The following FBXW11 variants were observed in gnomAD, a reference collection of about 807,000 sequenced individuals.
FBXW11 encodes the protein F-box and WD repeat domain containing 11, also known as F-box/WD repeat-containing protein 11.
In FBXW11, 19 loss-of-function variants were observed where a neutral mutation model predicts 77.6. That is an observed-to-expected ratio of 0.24 (90% CI 0.17 to 0.36). The LOEUF is 0.36. FBXW11 is among the 10% of genes least tolerant of loss of function. The pLI, the probability that FBXW11 is intolerant of heterozygous loss-of-function variation, is 1.00. For missense variants in FBXW11, 334 were observed against 704.2 expected, an observed-to-expected ratio of 0.47 and a Z score of 5.95; for synonymous variants, 235 against 249.4, an observed-to-expected ratio of 0.94 and a Z score of 0.54.
intron 2 of FBXW11, among the ~76,000 whole-genome samples, chr5:171,929,611 G>A (rs895311744): frequency 1.3e-5 from 2 of 152,072 alleles, no homozygotes; most frequent in African/African-American, 4.8e-5. Flanking sequence ...TAGCACTTTG[G>A]GAGGCCGAGG....
chr5:172,001,424 C>G (rs995955096), intron 1 of FBXW11, among the ~76,000 whole-genome samples: 3 of 152,134 alleles, frequency 2.0e-5, no homozygotes, highest in Non-Finnish European at 4.4e-5. Context: ...GCAATAATGT[C>G]TGAAAATGAT....
chr5:171,983,557 G>A (rs1765269448), intron 1 of FBXW11, among the ~76,000 whole-genome samples: 1 of 152,096 alleles, frequency 6.6e-6, no homozygotes, highest in African/African-American at 2.4e-5. Context: ...TCTCTAGGTA[G>A]ATTGTGTCGG....
At chr5:172,001,866 T>C (rs1312908087) in intron 1 of FBXW11, among the ~76,000 whole-genome samples, 2 of 152,210 alleles carry the variant, frequency 1.3e-5, no homozygotes, top group African/African-American at 4.8e-5. Flanking sequence ...TAAATATCAG[T>C]AGCCTTCAAT....
chr5:171,931,798 TTCTCTC>T (rs888011475), intron 2 of FBXW11, among the ~76,000 whole-genome samples: 1 of 104,068 alleles, frequency 9.6e-6, no homozygotes, highest in Admixed American at 9.7e-5. Context: ...CAGAAACAAT[TTCTCTC>T]TCTCTCTCTC....
At chr5:171,968,921 C>T (rs903095747) in intron 1 of FBXW11, among the ~76,000 whole-genome samples, 5 of 152,130 alleles carry the variant, frequency 3.3e-5, no homozygotes, top group Non-Finnish European at 7.4e-5. Context: ...AAATCCTTAC[C>T]CTACTTTCAT....
chr5:171,945,124 C>T (rs1007135199), intron 2 of FBXW11, among the ~76,000 whole-genome samples: 23 of 152,166 alleles, frequency 1.5e-4, no homozygotes, highest in African/African-American at 4.6e-4. Context: ...TAATTTCATA[C>T]AGTGCTAAGC....
intron 2 of FBXW11, among the ~76,000 whole-genome samples, chr5:171,943,539 A>G (rs948543588): frequency 2.6e-5 from 4 of 152,054 alleles, no homozygotes; most frequent in Non-Finnish European, 4.4e-5. Context: ...GCTCACTGCA[A>G]TCTCCACCTC....
chr5:171,938,504 C>T (rs1762589072), intron 2 of FBXW11, among the ~76,000 whole-genome samples: 1 of 152,204 alleles, frequency 6.6e-6, no homozygotes, highest in South Asian at 2.1e-4. Context: ...ATAACACATT[C>T]AGTCAATGAA....
intron 1 of FBXW11, among the ~76,000 whole-genome samples, chr5:172,005,779 G>A (rs563567842): frequency 2.0e-5 from 3 of 152,306 alleles, no homozygotes; most frequent in East Asian, 3.9e-4. Context: ...CCTGGAGGAT[G>A]GAATCCAGAG....
chr5:171,953,931 C>G (rs1275866855), intron 2 of FBXW11, among the ~76,000 whole-genome samples: 1 of 152,132 alleles, frequency 6.6e-6, no homozygotes, highest in East Asian at 1.9e-4. Context: ...AAAAAAGAAA[C>G]AAGAAAGGCA....
At chr5:171,882,650 T>C (rs1758595658) in intron 7 of FBXW11, among the ~76,000 whole-genome samples, 1 of 152,144 alleles carries the variant, frequency 6.6e-6, no homozygotes, top group Non-Finnish European at 1.5e-5. Flanking sequence ...CTTTGATCCA[T>C]GTGCTATTTA....
intron 1 of FBXW11, among the ~76,000 whole-genome samples, chr5:171,989,962 G>C (rs950830361): frequency 6.6e-6 from 1 of 152,184 alleles, no homozygotes; most frequent in African/African-American, 2.4e-5. Flanking sequence ...AATGGTTTGA[G>C]ACAAAGAGAG....
intron 7 of FBXW11, among the ~76,000 whole-genome samples, chr5:171,887,028 G>GA (rs1048076433): frequency 5.3e-4 from 79 of 149,954 alleles, no homozygotes; most frequent in African/African-American, 1.7e-3. Flanking sequence ...CAAAAAGTAA[G>GA]AAAAAAAAAA....
chr5:171,962,969 C>T (rs920563653), intron 1 of FBXW11, among the ~76,000 whole-genome samples: 5 of 152,140 alleles, frequency 3.3e-5, no homozygotes, highest in East Asian at 1.9e-4. Flanking sequence ...CCCCCCACCA[C>T]CAATCTTTTT....
At chr5:171,952,670 C>G (rs1267225181) in intron 2 of FBXW11, among the ~76,000 whole-genome samples, 1 of 150,086 alleles carries the variant, frequency 6.7e-6, no homozygotes, top group Non-Finnish European at 1.5e-5. Flanking sequence ...CCAGGCTGGT[C>G]TTGACCTGAC....
chr5:171,977,844 G>A (rs1456509051), intron 1 of FBXW11: 3 of 242,278 alleles, frequency 1.2e-5, no homozygotes, highest in East Asian at 1.5e-4. Flanking sequence ...CACCTCCCAC[G>A]GGGTCCCTCC....
At position 171,893,374 on chromosome 5, in the gene FBXW11, C is replaced by G. The variant is rs978105396; in HGVS notation, c.715-1770G>C. Among the ~76,000 whole-genome samples, 10 of 115,300 alleles carry G rather than the reference C, an allele frequency of 8.7e-5. No individual in the cohort carries two copies. In the East Asian group the frequency reaches 2.2e-3, roughly 25 times the overall value. The allele number at this position is 115,300 out of a possible 152,430, so 75.6% of individuals were successfully genotyped here. On this transcript the variant is annotated intron_variant, in intron 6 of 13. Coordinates refer to ENST00000517395, the MANE Select transcript of FBXW11 (RefSeq NM_001378974.1). ...AACTTCCTAGCCTGGGTCATCATCT[C>G]TAGTGACTTGGTAAAATATTAGACA...
intron 9 of FBXW11, among the ~76,000 whole-genome samples, chr5:171,874,395 T>C (rs756268914): frequency 1.3e-5 from 2 of 152,224 alleles, no homozygotes; most frequent in African/African-American, 2.4e-5. Flanking sequence ...AAATCCTCCA[T>C]GCTGATATTA....
At chr5:171,870,685 A>G in intron 11 of FBXW11, 63 bp downstream of exon 11, 3 of 1,275,672 alleles carry the variant, frequency 2.4e-6, no homozygotes, top group Non-Finnish European at 1.1e-6. Flanking sequence ...TGCTTAATAT[A>G]TAACATTTCT....
Sources: allele counts gnomAD v4.1 joint callset (sites outside exome capture counted in the v4.1 genomes callset), GRCh38; gene constraint gnomAD v4.1.1; transcripts MANE v1.5; gene names NCBI Gene and HGNC (gene_info 2026-07-23, HGNC 2026-07-21).